The following SLC4A4 variants were observed in gnomAD, a reference collection of about 807,000 sequenced individuals.
SLC4A4 encodes solute carrier family 4 member 4, also known as electrogenic sodium bicarbonate cotransporter 1.
A neutral mutation model predicts 111.5 loss-of-function variants in SLC4A4; 27 were observed. That is an observed-to-expected ratio of 0.24 (90% CI 0.18 to 0.33). The LOEUF (loss-of-function observed/expected upper bound fraction) is 0.33. Among genes scored for constraint, SLC4A4 ranks in the 10% least tolerant of loss-of-function variants. The pLI is 1.00. For synonymous variants in SLC4A4, 443 were observed against 463.4 expected, an observed-to-expected ratio of 0.96 and a Z score of 0.57; for missense variants, 909 against 1,315.5, an observed-to-expected ratio of 0.69 and a Z score of 4.78.
At chr4:71,474,306 G>T (rs1728155505) in intron 14 of SLC4A4, among the ~76,000 whole-genome samples, 1 of 151,816 alleles carries the variant, frequency 6.6e-6, no homozygotes, top group South Asian at 2.1e-4. Flanking sequence ...AAAGGGCTGG[G>T]ACACAAATGT....
rs565011780 is a variant in SLC4A4, at chr4:71,271,338, G to A, written c.253+15939G>A. 2.0e-5 allele frequency among the ~76,000 whole-genome samples: 3 copies of A among 152,312 alleles called. No homozygotes were observed. The South Asian group carries it at 6.2e-4, about 32-fold the overall frequency. ...CAAGTATGAGAAGTAGTTAGGACTT[G>A]AACATTCCAAATCTGGTGCTCTTTT... On this transcript the variant is annotated intron_variant, in intron 3 of 25. Coordinates refer to ENST00000264485, the MANE Select transcript of SLC4A4 (RefSeq NM_001098484.3).
In SLC4A4 at chr4:71,357,213, G is replaced by T. The variant is rs750460732; in HGVS notation, c.730+26G>T. 4.4e-6 allele frequency: 7 copies of T among 1,608,336 alleles called. No individual in the cohort carries two copies. The African/African-American group carries it at 8.0e-5, about 18-fold the overall frequency. Reference sequence around the variant, plus strand: ...GTAATGCAGAGGCCAGCTGGCTGCTGCTTTCTCTTACTTATTTCACTCACC... The same window carrying T: ...GTAATGCAGAGGCCAGCTGGCTGCTTCTTTCTCTTACTTATTTCACTCACC... On this transcript the variant is annotated intron_variant, in intron 6 of 25. Transcript: ENST00000264485.
In SLC4A4 at chr4:71,494,643, C is replaced by T. The variant is rs78183592; in HGVS notation, c.1975-2858C>T. 1.5e-3 allele frequency among the ~76,000 whole-genome samples: 225 copies of T among 152,036 alleles called. 1 individual carries two copies. Among genetic ancestry groups the T allele is most frequent in the African/African-American group, 5.0e-3 (209 of 41,510 alleles). Reference sequence around the variant, plus strand: ...CTTGTTCTTAAAGTTCTGATTTAACCGTTTAAACAGTATGTATAGAATTTT... The same window carrying T: ...CTTGTTCTTAAAGTTCTGATTTAACTGTTTAAACAGTATGTATAGAATTTT... On this transcript the variant is annotated intron_variant, in intron 15 of 25. Transcript: ENST00000264485.
At chr4:71,560,742 G>A (rs906246735) in intron 23 of SLC4A4, among the ~76,000 whole-genome samples, 2 of 151,682 alleles carry the variant, frequency 1.3e-5, no homozygotes, top group African/African-American at 4.8e-5. Context: ...ATTAATATTA[G>A]CATTATATTT....
chr4:71,550,343 T>C (rs138754126), intron 20 of SLC4A4, among the ~76,000 whole-genome samples: 50 of 152,090 alleles, frequency 3.3e-4, no homozygotes, highest in African/African-American at 1.1e-3. Context: ...TTATGTACCA[T>C]TGAGGTTTGG....
chr4:71,279,141 A>G (rs1723300858), intron 3 of SLC4A4, among the ~76,000 whole-genome samples: 1 of 152,290 alleles, frequency 6.6e-6, no homozygotes, highest in Admixed American at 6.5e-5. Flanking sequence ...AATTATTATT[A>G]ACTATAGTCA....
At chr4:71,283,223 T>A (rs982350530) in intron 3 of SLC4A4, among the ~76,000 whole-genome samples, 6 of 152,134 alleles carry the variant, frequency 3.9e-5, no homozygotes, top group Non-Finnish European at 8.8e-5. Context: ...CCTCCCATGA[T>A]CCTCATTTCT....
intron 8 of SLC4A4, among the ~76,000 whole-genome samples, chr4:71,445,248 T>C (rs1725119360): frequency 6.6e-6 from 1 of 152,188 alleles, no homozygotes; most frequent in Non-Finnish European, 1.5e-5. Flanking sequence ...GAGGCTCCAT[T>C]ACTCTATCAG....
chr4:71,422,844 A>G (rs1270576133), intron 7 of SLC4A4, among the ~76,000 whole-genome samples: 3 of 152,216 alleles, frequency 2.0e-5, no homozygotes, highest in Admixed American at 6.5e-5. Flanking sequence ...ATTTCAAAAT[A>G]ATAAGAGCTA....
At chr4:71,491,803 A>G (rs1729945235) in intron 15 of SLC4A4, among the ~76,000 whole-genome samples, 1 of 151,884 alleles carries the variant, frequency 6.6e-6, no homozygotes, top group African/African-American at 2.4e-5. Context: ...GTGACCAGGA[A>G]TATGCCATAG....
intron 12 of SLC4A4, among the ~76,000 whole-genome samples, chr4:71,463,660 G>C (rs1176633663): frequency 6.6e-6 from 1 of 152,124 alleles, no homozygotes; most frequent in Admixed American, 6.5e-5. Flanking sequence ...GGAAGAAATT[G>C]GTTGTTATCT....
intron 8 of SLC4A4, among the ~76,000 whole-genome samples, chr4:71,443,116 C>CTCTCTCTCTCTCTATATATATATATA (rs1198759861): frequency 3.0e-5 from 2 of 65,652 alleles, no homozygotes; most frequent in African/African-American, 8.7e-5. Flanking sequence ...CTCTCTCTCT[C>CTCTCTCTCTCTCTATATATATATATA]TATATATATA....
chr4:71,092,737 T>C (rs71599985), exon 2 of SLC4A4, among the ~76,000 whole-genome samples: 13,951 of 152,274 alleles, frequency 0.092, 792 homozygotes, highest in African/African-American at 0.16. Context: ...CAGATACCCA[T>C]AATTGTGTTG....
Position 71,466,521 on chromosome 4 carries a change from T to A in SLC4A4, c.1575T>A (p.Ile525=). The change falls in exon 13 of 26, where the codon ATT becomes ATA. Residue 525 remains isoleucine, a synonymous_variant. Transcript: ENST00000264485. ...FCLFAGQPLT[I]LSSTGPVLVF... ...TTTTTGCTGGTCAACCACTCACTAT[T>A]CTGAGCAGCACCGGACCTGTCCTAG... 6.2e-7 allele frequency: 1 copy of A among 1,613,650 alleles called. No homozygotes were observed. Among genetic ancestry groups the A allele is most frequent in the Non-Finnish European group, 8.5e-7 (1 of 1,179,688 alleles).
intron 2 of SLC4A4, among the ~76,000 whole-genome samples, chr4:71,103,680 A>G (rs1179462777): frequency 1.3e-5 from 2 of 152,202 alleles, no homozygotes; most frequent in South Asian, 4.1e-4. Flanking sequence ...TACCGGATAC[A>G]TAACGAAATG....
chr4:71,390,695 T>G (rs1359713396), intron 6 of SLC4A4, among the ~76,000 whole-genome samples: 1 of 152,200 alleles, frequency 6.6e-6, no homozygotes, highest in African/African-American at 2.4e-5. Flanking sequence ...GAAAATAGAA[T>G]ATATTCTCTG....
chr4:71,101,181 C>T lies in SLC4A4; in HGVS notation c.-2+8389C>T, dbSNP rs370571901. Among the ~76,000 whole-genome samples the T allele has an allele frequency of 1.4e-3, 215 of 152,268 alleles. 1 individual carries two copies. Among genetic ancestry groups the T allele is most frequent in the African/African-American group, 4.7e-3 (197 of 41,564 alleles). On this transcript the variant is annotated intron_variant, in intron 2 of 26. Transcript: ENST00000649996. The stretch of plus-strand genomic sequence containing the variant: ...GGCTGAGGCAGGAGAATGGCTTGAA[C>T]GCAAGAAGTGGAGCTTGCAGTGAGC...
chr4:71,396,124 C>G (rs1719805418), intron 6 of SLC4A4, among the ~76,000 whole-genome samples: 1 of 152,028 alleles, frequency 6.6e-6, no homozygotes, highest in Admixed American at 6.6e-5. Flanking sequence ...GAAAATGTGC[C>G]CTTCAAAGGG....
chr4:71,151,237 T>C (rs1744304789), intron 2 of SLC4A4, among the ~76,000 whole-genome samples: 1 of 152,214 alleles, frequency 6.6e-6, no homozygotes. Context: ...TTCCAATGAC[T>C]AACATTTGTT....
Sources: allele counts gnomAD v4.1 joint callset (sites outside exome capture counted in the v4.1 genomes callset), GRCh38; gene constraint gnomAD v4.1.1; transcripts MANE v1.5; gene names NCBI Gene and HGNC (gene_info 2026-07-23, HGNC 2026-07-21).